The following ZNF573 variants were observed in gnomAD, a reference collection of about 807,000 sequenced individuals.
The protein encoded by ZNF573 is zinc finger protein 573.
A neutral mutation model predicts 57.4 loss-of-function variants in ZNF573; 41 were observed. The ratio of observed to expected loss-of-function variants is 0.71; its 90% CI spans 0.56 to 0.93. The LOEUF is 0.93. ZNF573 is among the 40% of genes least tolerant of loss of function. ZNF573 has a pLI of 0.00. For synonymous variants in ZNF573, 249 were observed against 261.0 expected, an observed-to-expected ratio of 0.95 and a Z score of 0.44; for missense variants, 730 against 794.8, an observed-to-expected ratio of 0.92 and a Z score of 0.98.
At chr19:37,761,490 C>A (rs910416285) in intron 4 of ZNF573, among the ~76,000 whole-genome samples, 1 of 152,142 alleles carries the variant, frequency 6.6e-6, no homozygotes, top group African/African-American at 2.4e-5. Context: ...AACCCCTTGT[C>A]CCCAGAGCTA....
chr19:37,766,236 ATGAC>A (rs1181307015), intron 4 of ZNF573, among the ~76,000 whole-genome samples: 1 of 150,318 alleles, frequency 6.7e-6, no homozygotes, highest in African/African-American at 2.5e-5. Context: ...TTGAGCATAA[ATGAC>A]TGCTAAAAAT....
chr19:37,754,410 C>T (rs2045467207), intron 4 of ZNF573, among the ~76,000 whole-genome samples: 2 of 151,184 alleles, frequency 1.3e-5, no homozygotes, highest in Admixed American at 1.3e-4. Flanking sequence ...ATCCCAGCTA[C>T]TACGGAGGCT....
rs756942189 is a variant in ZNF573 at position 37,739,084 on chromosome 19, A to C, written c.1406T>G (p.Leu469Arg). The C allele has an allele frequency of 6.2e-7, 1 of 1,612,392 alleles. No homozygotes were observed. Among genetic ancestry groups the C allele is most frequent in the South Asian group, 1.1e-5 (1 of 90,700 alleles). Reference protein sequence around the residue: ...RHQNIHTGKKLFECQECGKAY... With the variant: ...RHQNIHTGKKRFECQECGKAY... ...CTTCCCACATTCCTGACATTCAAAA[A>C]GTTTCTTACCAGTGTGAATATTCTG... The change falls in exon 5 of 5, where the codon CTT (leucine) becomes CGT (arginine). Residue 469 changes from leucine to arginine, a missense_variant. By Grantham distance (102) the Leu-to-Arg change is moderately radical (BLOSUM62 -2). Coordinates refer to ENST00000536220, the MANE Select transcript of ZNF573 (RefSeq NM_001172690.2).
chr19:37,770,774 A>G (rs2045648557), intron 3 of ZNF573, among the ~76,000 whole-genome samples: 1 of 144,162 alleles, frequency 6.9e-6, no homozygotes, highest in South Asian at 2.2e-4. Context: ...AAAAATAAAT[A>G]AATAAATAAG....
chr19:37,768,104 ATTT>A (rs543142807), intron 4 of ZNF573, among the ~76,000 whole-genome samples: 219 of 152,272 alleles, frequency 1.4e-3, no homozygotes, highest in African/African-American at 5.1e-3. Context: ...ATAAAAAAAA[ATTT>A]TTAAGTTTTA....
intron 4 of ZNF573, among the ~76,000 whole-genome samples, chr19:37,768,606 T>G (rs904842786): frequency 1.3e-5 from 2 of 152,232 alleles, no homozygotes; most frequent in African/African-American, 4.8e-5. Context: ...CTCTGCTTAC[T>G]TTCTACCATT....
chr19:37,767,658 T>C (rs1175487459), intron 4 of ZNF573, among the ~76,000 whole-genome samples: 2 of 152,222 alleles, frequency 1.3e-5, no homozygotes, highest in African/African-American at 4.8e-5. Flanking sequence ...TGTTGTGCAG[T>C]GAGCAGTATA....
chr19:37,740,266 G>C, intron 4 of ZNF573, 72 bp from the exon 5 acceptor site: 1 of 1,362,408 alleles, frequency 7.3e-7, no homozygotes, highest in South Asian at 1.5e-5. Context: ...ATGCAACAAA[G>C]AAAAACCAAC....
intron 4 of ZNF573, among the ~76,000 whole-genome samples, chr19:37,768,827 T>C (rs1470206364): frequency 2.3e-5 from 3 of 129,744 alleles, no homozygotes; most frequent in African/African-American, 5.2e-5. Flanking sequence ...CACTATGCCC[T>C]GTTAATTTTT....
chr19:37,740,053 C>T lies in ZNF573; in HGVS notation c.437G>A (p.Gly146Asp). ...CCTGTGATGTAGAATAAGTTGATAACCACTACTAAATTTCTTCTGACATTT... is the reference window on the plus strand; with the variant it reads ...CCTGTGATGTAGAATAAGTTGATAATCACTACTAAATTTCTTCTGACATTT... ...CKKCQKKFSS[G>D]YQLILHHRFH... is the part of the protein sequence containing the mutation. The change falls in exon 5 of 5, where the codon GGT becomes GAT. Residue 146 changes from glycine to aspartate, a missense_variant. Physicochemically the swap from Gly to Asp is moderately conservative, Grantham distance 94 (BLOSUM62 -1). Coordinates refer to ENST00000536220, the MANE Select transcript of ZNF573 (RefSeq NM_001172690.2). The T allele has an allele frequency of 6.2e-7, 1 of 1,614,080 alleles. No individual in the cohort carries two copies. The highest frequency in any genetic ancestry group is 1.1e-5 in the South Asian group (1 of 91,074).
chr19:37,748,989 C>T (rs2045408985), intron 4 of ZNF573, among the ~76,000 whole-genome samples: 2 of 149,800 alleles, frequency 1.3e-5, no homozygotes, highest in South Asian at 4.2e-4. Context: ...ACAATGGATC[C>T]TGGAAACATT....
At position 37,739,755 on chromosome 19, in the gene ZNF573, C is replaced by T. The variant is rs112181885; in HGVS notation, c.735G>A (p.Pro245=). ...CCCTCCCACACTCCTGACATTCATA[C>T]GGCTTCCCACCAGTGTGAATTCTCT... ...QHERIHTGGK[P]YECQECGRAF... Residue 245 remains proline (P), a synonymous_variant, in exon 5 of 5, where the codon CCG becomes CCA. Coordinates refer to ENST00000536220, the MANE Select transcript of ZNF573 (RefSeq NM_001172690.2). 3.2e-4 allele frequency: 524 copies of T among 1,613,842 alleles called. 3 individuals carry two copies. Among genetic ancestry groups the T allele is most frequent in the African/African-American group, 2.6e-3 (195 of 74,974 alleles).
chr19:37,759,729 A>G (rs1303809332), intron 4 of ZNF573, among the ~76,000 whole-genome samples: 2 of 152,106 alleles, frequency 1.3e-5, no homozygotes, highest in Non-Finnish European at 2.9e-5. Context: ...CTCTGTCTCA[A>G]AAAATAAATA....
At chr19:37,773,805 T>C (rs1047758345) in intron 1 of ZNF573, 54 bp from the exon 2 acceptor site, 7 of 1,093,004 alleles carry the variant, frequency 6.4e-6, no homozygotes, top group African/African-American at 4.7e-5. Context: ...TTTAATAAAA[T>C]CTTTCTGCTC....
intron 4 of ZNF573, among the ~76,000 whole-genome samples, chr19:37,764,992 G>C (rs944790159): frequency 1.4e-5 from 2 of 142,958 alleles, no homozygotes; most frequent in African/African-American, 5.3e-5. Context: ...TGCAACCTCT[G>C]CCTCCTGGAT....
intron 4 of ZNF573, among the ~76,000 whole-genome samples, chr19:37,748,366 T>C (rs1473348869): frequency 6.6e-6 from 1 of 152,190 alleles, no homozygotes; most frequent in Non-Finnish European, 1.5e-5. Context: ...ATTTTGTAAA[T>C]CTAAAATTAT....
chr19:37,768,746 A>C (rs1266786531), intron 4 of ZNF573, among the ~76,000 whole-genome samples: 1 of 151,810 alleles, frequency 6.6e-6, no homozygotes, highest in East Asian at 1.9e-4. Context: ...GCTCACGGCA[A>C]GCTCCGCCTC....
chr19:37,767,642 AC>A lies in ZNF573; in HGVS notation c.295+2362del, dbSNP rs2045614674. 3.3e-5 allele frequency among the ~76,000 whole-genome samples: 5 copies of A among 152,228 alleles called. No homozygotes were observed. In the South Asian group the frequency reaches 1.0e-3, roughly 32 times the overall value. On this transcript the variant is annotated intron_variant, in intron 4 of 4. Coordinates refer to ENST00000536220, the MANE Select transcript of ZNF573 (RefSeq NM_001172690.2). The stretch of plus-strand genomic sequence containing the variant: ...GCCCTAACACCTTACCTCTTGACTT[AC>A]TGGCTGTTGTGCAGTGAGCAGTATA...
At chr19:37,742,102 G>C (rs1423627421) in intron 4 of ZNF573, among the ~76,000 whole-genome samples, 1 of 152,022 alleles carries the variant, frequency 6.6e-6, no homozygotes, top group East Asian at 1.9e-4. Context: ...GAAATACGTA[G>C]GAATACAGCT....
Sources: gnomAD v4.1 joint callset for allele counts (sites outside exome capture counted in the v4.1 genomes callset) on GRCh38, gnomAD v4.1.1 for gene constraint, MANE v1.5 for transcripts, NCBI Gene and HGNC (gene_info 2026-07-23, HGNC 2026-07-21) for gene names.